The following ZC3H3 variants were observed in gnomAD, a reference collection of about 807,000 sequenced individuals.
The protein encoded by ZC3H3 is zinc finger CCCH-type containing 3, also known as zinc finger CCCH domain-containing protein 3.
ZC3H3 carries 36 observed loss-of-function variants against 77.3 expected under a neutral mutation model. The ratio of observed to expected loss-of-function variants is 0.47; its 90% CI spans 0.36 to 0.61. ZC3H3 has a LOEUF of 0.61. Ranked by LOEUF, ZC3H3 falls within the 20% of genes least tolerant of loss-of-function variation. The pLI is 0.00. For missense variants in ZC3H3, 1,331 were observed against 1,312.2 expected (o/e 1.01, Z -0.22); for synonymous variants, 626 against 555.2 (o/e 1.13, Z -1.79).
At chr8:143,484,261 G>A (rs775939267) in intron 4 of ZC3H3, among the ~76,000 whole-genome samples, 6 of 152,316 alleles carry the variant, frequency 3.9e-5, no homozygotes, top group South Asian at 4.1e-4. Flanking sequence ...TCCCTGCCCC[G>A]TCTCACCCCA....
At chr8:143,539,500 C>T (rs995195798) in intron 1 of ZC3H3, among the ~76,000 whole-genome samples, 180 bp from the exon 2 acceptor site, 4 of 152,200 alleles carry the variant, frequency 2.6e-5, no homozygotes, top group African/African-American at 9.7e-5. Flanking sequence ...GCCCGCGTCA[C>T]CTGGGCCTGT....
At chr8:143,476,118 A>G (rs1385032470) in intron 4 of ZC3H3, among the ~76,000 whole-genome samples, 1 of 152,118 alleles carries the variant, frequency 6.6e-6, no homozygotes, top group Non-Finnish European at 1.5e-5. Context: ...TATTTCTACC[A>G]ACCGGCCCCA....
intron 4 of ZC3H3, among the ~76,000 whole-genome samples, chr8:143,503,748 C>T (rs2924514): frequency 0.026 from 3,872 of 151,060 alleles, 155 homozygotes; most frequent in African/African-American, 0.089. Context: ...CAGCCATCCC[C>T]CGACCACCTC....
chr8:143,498,936 G>A lies in ZC3H3; in HGVS notation c.1715+8810C>T, dbSNP rs190859979. Among the ~76,000 whole-genome samples the A allele has an allele frequency of 9.3e-3, 1,276 of 137,782 alleles. 29 individuals are homozygous for A. Among genetic ancestry groups the A allele is most frequent in the African/African-American group, 0.035 (1,173 of 33,440 alleles). The allele number at this position is 137,782 out of a possible 152,430, so 90.4% of individuals were successfully genotyped here. A position where few individuals can be genotyped will look rare whatever the true frequency, so the allele number is the denominator to read the frequency against. Reference sequence around the variant, plus strand: ...ACAGGACGGGGCAGAGGGGCACAGGGCAGTGCAGGGGGTACAGGGCGGGGA... The same window carrying A: ...ACAGGACGGGGCAGAGGGGCACAGGACAGTGCAGGGGGTACAGGGCGGGGA... On this transcript the variant is annotated intron_variant, in intron 4 of 11. Transcript: ENST00000262577.
intron 3 of ZC3H3, among the ~76,000 whole-genome samples, chr8:143,518,118 C>T (rs1438020954): frequency 1.3e-5 from 2 of 152,308 alleles, no homozygotes; most frequent in African/African-American, 2.4e-5. Context: ...GAGGGGCTGG[C>T]GCTGTGGGCC....
At chr8:143,478,048 G>A (rs867752267) in intron 4 of ZC3H3, among the ~76,000 whole-genome samples, 3 of 152,092 alleles carry the variant, frequency 2.0e-5, no homozygotes, top group Non-Finnish European at 4.4e-5. Flanking sequence ...GCCTGACCCC[G>A]CCCACGGCAC....
chr8:143,465,912 C>A (rs900800126), intron 8 of ZC3H3, 64 bp from the exon 9 acceptor site: 3 of 1,556,768 alleles, frequency 1.9e-6, no homozygotes, highest in Non-Finnish European at 2.6e-6. Flanking sequence ...GAGACGGTGG[C>A]TGGGGACCCT....
At chr8:143,528,031 C>T (rs1423145268) in intron 3 of ZC3H3, among the ~76,000 whole-genome samples, 1 of 152,232 alleles carries the variant, frequency 6.6e-6, no homozygotes, top group Non-Finnish European at 1.5e-5. Context: ...GGGCTGCTCC[C>T]CAGTACCTAG....
chr8:143,511,790 T>G (rs1047345414), intron 3 of ZC3H3, among the ~76,000 whole-genome samples: 1 of 152,192 alleles, frequency 6.6e-6, no homozygotes, highest in Non-Finnish European at 1.5e-5. Flanking sequence ...TGGGCCCTGG[T>G]GCAGACGGGC....
At chr8:143,461,189 C>T (rs1057189712) in intron 9 of ZC3H3, among the ~76,000 whole-genome samples, 4 of 151,984 alleles carry the variant, frequency 2.6e-5, no homozygotes, top group Admixed American at 1.3e-4. Flanking sequence ...TTATGTGGTA[C>T]GTGAATCATA....
At chr8:143,488,821 G>C (rs1311601259) in intron 4 of ZC3H3, among the ~76,000 whole-genome samples, 1 of 152,242 alleles carries the variant, frequency 6.6e-6, no homozygotes, top group Non-Finnish European at 1.5e-5. Flanking sequence ...GACTCCCCCT[G>C]AACACTTGGA....
intron 4 of ZC3H3, among the ~76,000 whole-genome samples, chr8:143,506,978 C>T (rs1171012748): frequency 6.6e-5 from 10 of 152,356 alleles, no homozygotes; most frequent in South Asian, 4.1e-4. Context: ...AGCAGATTCC[C>T]GCGGGGAGGG....
At chr8:143,449,694 C>T (rs4874124) in intron 9 of ZC3H3, among the ~76,000 whole-genome samples, 95,462 of 151,986 alleles carry the variant, frequency 0.63, 30,211 homozygotes, top group African/African-American at 0.66. Flanking sequence ...GCTGAGATTG[C>T]GCCACTGCAT....
At chr8:143,486,901 A>G (rs1821072686) in intron 4 of ZC3H3, among the ~76,000 whole-genome samples, 1 of 33,384 alleles carries the variant, frequency 3.0e-5, no homozygotes. Context: ...CGGCCCCACC[A>G]CCACGAAGCT....
chr8:143,480,229 CA>C (rs1397101029), intron 4 of ZC3H3, among the ~76,000 whole-genome samples: 2 of 152,132 alleles, frequency 1.3e-5, no homozygotes, highest in South Asian at 2.1e-4. Flanking sequence ...CCTGAAAGCC[CA>C]GGGGCAAACC....
intron 4 of ZC3H3, among the ~76,000 whole-genome samples, chr8:143,478,081 C>T (rs529026262): frequency 6.6e-6 from 1 of 152,324 alleles, no homozygotes; most frequent in East Asian, 1.9e-4. Context: ...ACCCTGGCCG[C>T]CACAAAGCAG....
At position 143,507,823 on chromosome 8, in the gene ZC3H3, C is replaced by A. The variant is rs763815991; in HGVS notation, c.1638G>T (p.Thr546=). 3.7e-6 allele frequency: 6 copies of A among 1,608,902 alleles called. No individual in the cohort carries two copies. The South Asian group carries it at 6.6e-5, about 18-fold the overall frequency. The change falls in exon 4 of 12, where the codon ACG becomes ACT. Residue 546 remains threonine, a synonymous_variant. Coordinates refer to ENST00000262577, the MANE Select transcript of ZC3H3 (RefSeq NM_015117.3). ...GCGGGGCGCTGAGAGGCGAGGCCGG[C>A]GTCTTCTTGACAATGCGGTAGCGGG... ...IKTRYRIVKK[T]PASPLSAPPF...
At chr8:143,484,891 T>A (rs1478564655) in intron 4 of ZC3H3, 1 of 455,272 alleles carries the variant, frequency 2.2e-6, no homozygotes, top group Admixed American at 2.4e-5. Flanking sequence ...CTCAGCTCCC[T>A]GGAAAGGCGT....
chr8:143,505,765 C>T (rs1337459111), intron 4 of ZC3H3, among the ~76,000 whole-genome samples: 1 of 152,228 alleles, frequency 6.6e-6, no homozygotes, highest in African/African-American at 2.4e-5. Context: ...GCCTGGAGCC[C>T]ATGGCCACCA....
Sources: gnomAD v4.1 joint callset for allele counts (sites outside exome capture counted in the v4.1 genomes callset) on GRCh38, gnomAD v4.1.1 for gene constraint, MANE v1.5 for transcripts, NCBI Gene and HGNC (gene_info 2026-07-23, HGNC 2026-07-21) for gene names.